Variants in CTNNA2 observed in about 807,000 individuals in gnomAD.
CTNNA2 encodes catenin alpha-2.
CTNNA2 carries 42 observed loss-of-function variants against 101.0 expected under a neutral mutation model. The ratio of observed to expected loss-of-function variants is 0.42; its 90% CI spans 0.32 to 0.54. CTNNA2 has a LOEUF of 0.54. Ranked by LOEUF, CTNNA2 falls within the 20% of genes least tolerant of loss-of-function variation. The probability of loss-of-function intolerance (pLI) is 0.14; values close to 1 mark genes in which losing one functional copy is unlikely to be tolerated. For missense variants in CTNNA2, 871 were observed against 1,223.1 expected, an observed-to-expected ratio of 0.71 and a Z score of 4.29; for synonymous variants, 450 against 456.4, an observed-to-expected ratio of 0.99 and a Z score of 0.18.
Position 79,314,702 on chromosome 2 carries a change from C to A in CTNNA2, c.-318+1906C>A, listed in dbSNP as rs145856849. 6.6e-4 allele frequency among the ~76,000 whole-genome samples: 101 copies of A among 152,264 alleles called. 1 individual carries two copies. Among genetic ancestry groups the A allele is most frequent in the African/African-American group, 2.2e-3 (92 of 41,552 alleles). ...GATAGATAGGAATTGTTCCTTGGGG[C>A]CCCATTTTGGCTCAGTGTGATCAGT... On this transcript the variant is annotated intron_variant, in intron 3 of 21. Coordinates refer to the CTNNA2 transcript ENST00000466387.
chr2:79,331,002 G>T lies in CTNNA2; in HGVS notation c.-318+18206G>T, dbSNP rs181442794. 3.3e-5 allele frequency among the ~76,000 whole-genome samples: 5 copies of T among 152,286 alleles called. No individual in the cohort carries two copies. In the East Asian group the frequency reaches 9.7e-4, roughly 29 times the overall value. On this transcript the variant is annotated intron_variant, in intron 3 of 21. Coordinates refer to the CTNNA2 transcript ENST00000466387. Reference sequence around the variant, plus strand: ...AAGCTCTTAAGTTAAAAAGGAATTTGAACCTATGGCTCACCCCGTTAGGAA... The same window carrying T: ...AAGCTCTTAAGTTAAAAAGGAATTTTAACCTATGGCTCACCCCGTTAGGAA...
At chr2:80,528,833 A>T (rs1358040899) in intron 9 of CTNNA2, among the ~76,000 whole-genome samples, 1 of 152,188 alleles carries the variant, frequency 6.6e-6, no homozygotes, top group Non-Finnish European at 1.5e-5. Context: ...AGTCTCTAAC[A>T]TATTCTTTGG....
At chr2:80,538,133 G>T (rs1037689539) in intron 9 of CTNNA2, among the ~76,000 whole-genome samples, 1 of 146,504 alleles carries the variant, frequency 6.8e-6, no homozygotes, top group African/African-American at 2.6e-5. Context: ...ATCTTTGTCA[G>T]ATGGGTAGAT....
intron 7 of CTNNA2, among the ~76,000 whole-genome samples, chr2:80,064,637 C>T (rs113998163): frequency 5.9e-5 from 9 of 152,302 alleles, no homozygotes; most frequent in African/African-American, 1.7e-4. Context: ...GTCAATGGCA[C>T]GTCATTTCTC....
chr2:80,552,681 C>T (rs1430788672), intron 11 of CTNNA2, among the ~76,000 whole-genome samples: 2 of 152,218 alleles, frequency 1.3e-5, no homozygotes, highest in South Asian at 2.1e-4. Flanking sequence ...ACCTACACTA[C>T]ATGGTATAAC....
intron 3 of CTNNA2, among the ~76,000 whole-genome samples, chr2:79,777,432 A>G (rs1371686730): frequency 2.0e-5 from 3 of 151,140 alleles, no homozygotes; most frequent in Admixed American, 6.6e-5. Flanking sequence ...AGGTACTCTC[A>G]TCTTCCTTTA....
rs1203899350 is a variant in CTNNA2 at position 79,215,235 on chromosome 2, G to A, written c.-406+17159G>A. 1.5e-4 allele frequency among the ~76,000 whole-genome samples: 23 copies of A among 152,276 alleles called. No individual in the cohort carries two copies. In the East Asian group the frequency reaches 4.5e-3, roughly 30 times the overall value. On this transcript the variant is annotated intron_variant, in intron 2 of 21. Coordinates refer to the CTNNA2 transcript ENST00000466387. ...CGTGGCTTAGGAGGAATCTTGGGCT[G>A]TGGGCATTCCTTGGCCTGGTTGCCA...
intron 2 of CTNNA2, among the ~76,000 whole-genome samples, chr2:79,728,361 G>T (rs917053146): frequency 6.6e-6 from 1 of 152,140 alleles, no homozygotes; most frequent in Non-Finnish European, 1.5e-5. Flanking sequence ...GTATCTTTTG[G>T]CTGCATAAAT....
intron 4 of CTNNA2, among the ~76,000 whole-genome samples, chr2:79,434,613 T>C (rs1678693933): frequency 6.6e-6 from 1 of 152,132 alleles, no homozygotes; most frequent in Non-Finnish European, 1.5e-5. Context: ...TATCCAGAGC[T>C]CTGGGTGATG....
At chr2:80,212,690 G>C (rs1346625775) in intron 7 of CTNNA2, among the ~76,000 whole-genome samples, 2 of 152,016 alleles carry the variant, frequency 1.3e-5, no homozygotes, top group African/African-American at 2.4e-5. Flanking sequence ...TTTTTTTGTT[G>C]TGTCTCTGCC....
intron 1 of CTNNA2, among the ~76,000 whole-genome samples, chr2:79,560,805 G>C (rs1674730694): frequency 1.3e-5 from 2 of 151,886 alleles, no homozygotes; most frequent in African/African-American, 4.8e-5. Flanking sequence ...TTCACCATCA[G>C]CTATTGACTC....
intron 2 of CTNNA2, among the ~76,000 whole-genome samples, chr2:79,697,464 A>T (rs115590528): frequency 0.023 from 3,506 of 152,210 alleles, 128 homozygotes; most frequent in African/African-American, 0.079. Context: ...TATCAAGCAC[A>T]TGTAAGTAGA....
intron 3 of CTNNA2, among the ~76,000 whole-genome samples, chr2:79,324,685 G>A (rs1455917344): frequency 6.6e-6 from 1 of 151,890 alleles, no homozygotes; most frequent in East Asian, 1.9e-4. Context: ...AGTCCCAGTA[G>A]GTCCCTGAAG....
chr2:79,717,899 G>A (rs1294533622), intron 2 of CTNNA2, among the ~76,000 whole-genome samples: 1 of 152,088 alleles, frequency 6.6e-6, no homozygotes, highest in Non-Finnish European at 1.5e-5. Context: ...TGTGCCACTG[G>A]GGGACCTAAG....
intron 7 of CTNNA2, among the ~76,000 whole-genome samples, chr2:79,982,412 A>T (rs1442111770): frequency 6.8e-6 from 1 of 146,406 alleles, no homozygotes; most frequent in Non-Finnish European, 1.5e-5. Flanking sequence ...AACATATAAC[A>T]CATATATAAC....
At chr2:80,605,846 C>T (rs1171442978) in intron 16 of CTNNA2, among the ~76,000 whole-genome samples, 3 of 151,806 alleles carry the variant, frequency 2.0e-5, no homozygotes, top group Middle Eastern at 3.2e-3. Context: ...AACTCAAGTA[C>T]TATGAGAATT....
At chr2:80,522,902 A>T (rs978259138) in intron 9 of CTNNA2, among the ~76,000 whole-genome samples, 2 of 152,190 alleles carry the variant, frequency 1.3e-5, no homozygotes, top group African/African-American at 4.8e-5. Context: ...ATATGTCATT[A>T]GCTGATAGTG....
At chr2:80,044,089 A>G (rs1030174258) in intron 7 of CTNNA2, among the ~76,000 whole-genome samples, 1 of 152,238 alleles carries the variant, frequency 6.6e-6, no homozygotes, top group Non-Finnish European at 1.5e-5. Context: ...ACAAAGTAAC[A>G]GGATTTCTGA....
chr2:80,134,112 A>G (rs1702560843), intron 7 of CTNNA2, among the ~76,000 whole-genome samples: 1 of 152,204 alleles, frequency 6.6e-6, no homozygotes, highest in Non-Finnish European at 1.5e-5. Context: ...GAGAATCAAT[A>G]GAAGTGTTGT....
Sources: gnomAD v4.1 joint callset for allele counts (sites outside exome capture counted in the v4.1 genomes callset) on GRCh38, gnomAD v4.1.1 for gene constraint, MANE v1.5 for transcripts, NCBI Gene and HGNC (gene_info 2026-07-23, HGNC 2026-07-21) for gene names.